Variants in ASIC2 observed in about 807,000 individuals in gnomAD.
The protein encoded by ASIC2 is acid sensing ion channel subunit 2.
Under a neutral mutation model 57.3 loss-of-function variants are expected in ASIC2, and 25 were observed. That is an observed-to-expected ratio of 0.44 (90% confidence interval 0.32 to 0.61). The LOEUF is 0.61. Among genes scored for constraint, ASIC2 ranks in the 20% least tolerant of loss-of-function variants. The pLI, the probability that ASIC2 is intolerant of heterozygous loss-of-function variation, is 0.06. For missense variants in ASIC2, 641 were observed against 738.1 expected (o/e 0.87, Z 1.52); for synonymous variants, 319 against 307.5 (o/e 1.04, Z -0.39).
intron 1 of ASIC2, among the ~76,000 whole-genome samples, chr17:33,975,020 A>T (rs983888660): frequency 3.3e-5 from 5 of 152,232 alleles, no homozygotes; most frequent in Non-Finnish European, 5.9e-5. Context: ...AAGTTCCCTG[A>T]GGCCAGACAT....
intron 5 of ASIC2, among the ~76,000 whole-genome samples, chr17:33,025,406 T>A (rs16567): frequency 6.6e-6 from 1 of 151,878 alleles, no homozygotes; most frequent in African/African-American, 2.4e-5. Flanking sequence ...TCCATTTGCA[T>A]GCATGGAATG....
At chr17:33,260,574 G>A (rs979959039) in intron 1 of ASIC2, among the ~76,000 whole-genome samples, 4 of 152,210 alleles carry the variant, frequency 2.6e-5, no homozygotes, top group African/African-American at 9.7e-5. Context: ...CGGGGAATAC[G>A]AGGTCTTTGC....
intron 1 of ASIC2, among the ~76,000 whole-genome samples, chr17:33,889,039 A>G (rs753779131): frequency 2.0e-5 from 3 of 152,150 alleles, no homozygotes; most frequent in Non-Finnish European, 2.9e-5. Context: ...GTTTCTTGGG[A>G]TGGGAGGGGA....
chr17:33,732,796 C>G (rs995881522), intron 1 of ASIC2, among the ~76,000 whole-genome samples: 2 of 152,130 alleles, frequency 1.3e-5, no homozygotes, highest in African/African-American at 4.8e-5. Flanking sequence ...CACCACCAAG[C>G]CTGGCTAATA....
At chr17:33,160,214 AAAAAGAAAAGAAAAG>A (rs750297767) in intron 1 of ASIC2, among the ~76,000 whole-genome samples, 1 of 93,464 alleles carries the variant, frequency 1.1e-5, no homozygotes, top group Non-Finnish European at 2.2e-5. Context: ...GTTAAAAAAA[AAAAAGAAAAGAAAAG>A]AAAAGAAAAG....
chr17:33,842,018 G>A lies in ASIC2; in HGVS notation c.555+313960C>T, dbSNP rs556933165. 6.6e-5 allele frequency among the ~76,000 whole-genome samples: 10 copies of A among 152,024 alleles called. No individual in the cohort carries two copies. The South Asian group carries it at 8.3e-4, about 13-fold the overall frequency. On this transcript the variant is annotated intron_variant, in intron 1 of 9. Coordinates refer to the ASIC2 transcript ENST00000359872. Reference sequence around the variant, plus strand: ...TGGCGGAGGGCTAGACAACATATCCGCCTTATGTATGGTCCAGTGGTGGCA... The same window carrying A: ...TGGCGGAGGGCTAGACAACATATCCACCTTATGTATGGTCCAGTGGTGGCA...
intron 1 of ASIC2, among the ~76,000 whole-genome samples, chr17:34,116,313 C>G (rs1911423106): frequency 6.6e-6 from 1 of 152,144 alleles, no homozygotes. Context: ...ACAATAATGT[C>G]TCCCTCCTCA....
chr17:33,551,584 TC>T (rs1915754036), intron 1 of ASIC2, among the ~76,000 whole-genome samples: 1 of 152,184 alleles, frequency 6.6e-6, no homozygotes, highest in African/African-American at 2.4e-5. Context: ...CATAGCTTGG[TC>T]TTCCATCCTA....
At chr17:34,116,225 C>T (rs1404018286) in intron 1 of ASIC2, among the ~76,000 whole-genome samples, 1 of 152,200 alleles carries the variant, frequency 6.6e-6, no homozygotes, top group East Asian at 1.9e-4. Context: ...AGTTTGAATC[C>T]TTGTTTTACC....
intron 1 of ASIC2, among the ~76,000 whole-genome samples, chr17:33,967,011 A>G (rs959486945): frequency 2.0e-5 from 3 of 151,716 alleles, no homozygotes; most frequent in Non-Finnish European, 4.4e-5. Context: ...GTGACACCTC[A>G]CACTCTATGT....
intron 1 of ASIC2, among the ~76,000 whole-genome samples, chr17:33,872,371 A>G (rs568180842): frequency 3.3e-5 from 5 of 152,308 alleles, no homozygotes; most frequent in African/African-American, 1.2e-4. Context: ...AGATGGAGAC[A>G]CCAAGATGGA....
chr17:33,491,365 C>G (rs1913752759), intron 1 of ASIC2, among the ~76,000 whole-genome samples: 1 of 152,180 alleles, frequency 6.6e-6, no homozygotes, highest in African/African-American at 2.4e-5. Flanking sequence ...CAGTCCCTGC[C>G]TTTGACCTTG....
At chr17:33,479,699 T>C (rs1385324154) in intron 1 of ASIC2, among the ~76,000 whole-genome samples, 1 of 152,206 alleles carries the variant, frequency 6.6e-6, no homozygotes, top group Non-Finnish European at 1.5e-5. Flanking sequence ...CTTGCCCAGC[T>C]GGATGGTGTA....
chr17:33,756,623 C>T (rs1436962516), intron 1 of ASIC2, among the ~76,000 whole-genome samples: 2 of 152,214 alleles, frequency 1.3e-5, no homozygotes, highest in Non-Finnish European at 2.9e-5. Flanking sequence ...TGAGCTCCCA[C>T]CTGGGCTGGG....
intron 1 of ASIC2, among the ~76,000 whole-genome samples, chr17:33,925,891 T>A (rs1422854882): frequency 6.6e-6 from 1 of 152,212 alleles, no homozygotes; most frequent in Admixed American, 6.5e-5. Context: ...CAGTGGAAGA[T>A]CTGAGCTATA....
chr17:33,898,650 C>T (rs1332756808), intron 1 of ASIC2, among the ~76,000 whole-genome samples: 1 of 152,074 alleles, frequency 6.6e-6, no homozygotes. Flanking sequence ...TTTATTTTTC[C>T]ACTAGTGTCC....
At chr17:33,246,215 T>C (rs908712649) in intron 1 of ASIC2, among the ~76,000 whole-genome samples, 1 of 150,842 alleles carries the variant, frequency 6.6e-6, no homozygotes, top group Non-Finnish European at 1.5e-5. Flanking sequence ...GGCTGGGGGA[T>C]AAGATGTGGT....
chr17:33,303,334 A>G (rs1906035943), intron 1 of ASIC2, among the ~76,000 whole-genome samples: 1 of 152,072 alleles, frequency 6.6e-6, no homozygotes. Context: ...TAGATCTGGG[A>G]GCTATGTTTT....
chr17:33,316,213 T>A (rs78322295), intron 1 of ASIC2, among the ~76,000 whole-genome samples: 8,820 of 152,310 alleles, frequency 0.058, 354 homozygotes, highest in Non-Finnish European at 0.083. Flanking sequence ...TCCACTGGCA[T>A]CAGAGAGATG....
Sources: gnomAD v4.1 joint callset for allele counts (sites outside exome capture counted in the v4.1 genomes callset) on GRCh38, gnomAD v4.1.1 for gene constraint, MANE v1.5 for transcripts, NCBI Gene and HGNC (gene_info 2026-07-23, HGNC 2026-07-21) for gene names.